PARD3: variants seen among roughly 807,000 people sequenced by gnomAD.
The protein encoded by PARD3 is par-3 family cell polarity regulator, also known as partitioning defective 3 homolog.
A neutral mutation model predicts 155.4 loss-of-function variants in PARD3; 75 were observed. The observed-to-expected ratio is 0.48, with a 90% CI of 0.40 to 0.58. The LOEUF is 0.58. PARD3 is among the 20% of genes least tolerant of loss of function. The pLI is 0.00. For synonymous variants in PARD3, 576 were observed against 610.5 expected, an observed-to-expected ratio of 0.94 and a Z score of 0.83; for missense variants, 1,642 against 1,721.7, an observed-to-expected ratio of 0.95 and a Z score of 0.82.
chr10:34,425,026 G>A (rs1458283645), intron 5 of PARD3, among the ~76,000 whole-genome samples: 1 of 151,988 alleles, frequency 6.6e-6, no homozygotes, highest in Non-Finnish European at 1.5e-5. Context: ...TGACATTGCT[G>A]TGAGCCATTT....
chr10:34,500,616 C>T (rs1248058912), intron 3 of PARD3, among the ~76,000 whole-genome samples: 1 of 152,136 alleles, frequency 6.6e-6, no homozygotes, highest in Admixed American at 6.6e-5. Context: ...TGGCTCATGC[C>T]TGTAATCCTA....
chr10:34,433,899 T>C (rs2076067897), intron 5 of PARD3, among the ~76,000 whole-genome samples: 1 of 152,192 alleles, frequency 6.6e-6, no homozygotes, highest in Non-Finnish European at 1.5e-5. Context: ...CATTGAGTCA[T>C]GCCTCCCTCG....
At chr10:34,182,348 G>T (rs913763642) in intron 22 of PARD3, among the ~76,000 whole-genome samples, 7 of 152,214 alleles carry the variant, frequency 4.6e-5, no homozygotes, top group African/African-American at 1.7e-4. Flanking sequence ...TAGTTAACTC[G>T]AAAGTAACAT....
chr10:34,663,369 G>A (rs2093373952), intron 2 of PARD3, among the ~76,000 whole-genome samples: 2 of 152,102 alleles, frequency 1.3e-5, no homozygotes, highest in African/African-American at 4.8e-5. Context: ...GGGAGGCTGA[G>A]GCAGGAGAAT....
intron 5 of PARD3, among the ~76,000 whole-genome samples, chr10:34,434,504 T>C (rs1160391771): frequency 1.7e-4 from 26 of 152,328 alleles, no homozygotes; most frequent in Admixed American, 1.7e-3. Flanking sequence ...TGCTGCAACT[T>C]CAAGCAGCTG....
intron 17 of PARD3, among the ~76,000 whole-genome samples, chr10:34,336,912 T>C (rs1044351403): frequency 3.3e-5 from 5 of 152,114 alleles, no homozygotes; most frequent in Admixed American, 6.6e-5. Context: ...TCTCTTCTAG[T>C]TCAAAAATCC....
chr10:34,576,601 C>T (rs2086906829), intron 2 of PARD3, among the ~76,000 whole-genome samples: 1 of 151,946 alleles, frequency 6.6e-6, no homozygotes, highest in African/African-American at 2.4e-5. Flanking sequence ...CCCCTCTGCC[C>T]ACCCCTAATT....
At chr10:34,294,069 T>C (rs1425007046) in intron 20 of PARD3, among the ~76,000 whole-genome samples, 2 of 119,770 alleles carry the variant, frequency 1.7e-5, no homozygotes, top group Non-Finnish European at 3.5e-5. Flanking sequence ...GATATTTCAC[T>C]ACACACCTTT....
intron 2 of PARD3, among the ~76,000 whole-genome samples, chr10:34,528,913 G>A (rs1479372608): frequency 1.3e-5 from 2 of 152,142 alleles, no homozygotes; most frequent in African/African-American, 4.8e-5. Context: ...TTATTCAAAT[G>A]CAGAATGGAG....
intron 19 of PARD3, among the ~76,000 whole-genome samples, chr10:34,325,049 G>A (rs181942464): frequency 1.2e-3 from 184 of 151,978 alleles, no homozygotes; most frequent in African/African-American, 3.9e-3. Context: ...TTGCTTTGTC[G>A]CCCAAGCTGG....
intron 22 of PARD3, among the ~76,000 whole-genome samples, chr10:34,196,862 T>C (rs1950969731): frequency 6.6e-6 from 1 of 152,108 alleles, no homozygotes; most frequent in South Asian, 2.1e-4. Context: ...TGATTGCTAA[T>C]GTAGGTAAGA....
At chr10:34,397,330 C>G (rs2132151769) in intron 7 of PARD3, among the ~76,000 whole-genome samples, 1 of 152,316 alleles carries the variant, frequency 6.6e-6, no homozygotes, top group Middle Eastern at 3.4e-3. Context: ...ATTGGGGAAT[C>G]ACAAACTATT....
At chr10:34,667,708 C>G (rs78850249) in intron 2 of PARD3, among the ~76,000 whole-genome samples, 1 of 152,140 alleles carries the variant, frequency 6.6e-6, no homozygotes, top group Non-Finnish European at 1.5e-5. Context: ...CCAGTAAGAC[C>G]AGCCCCAAAA....
At chr10:34,236,245 C>G (rs546682860) in intron 22 of PARD3, among the ~76,000 whole-genome samples, 23 of 152,254 alleles carry the variant, frequency 1.5e-4, no homozygotes, top group African/African-American at 5.5e-4. Flanking sequence ...CCAGTGATAT[C>G]CATAAAAGAA....
At chr10:34,397,271 G>T (rs1241557313) in intron 7 of PARD3, among the ~76,000 whole-genome samples, 1 of 152,138 alleles carries the variant, frequency 6.6e-6, no homozygotes, top group East Asian at 1.9e-4. Context: ...CATCTGTGAG[G>T]AACCATGACT....
At chr10:34,659,316 G>GT (rs902791640) in intron 2 of PARD3, among the ~76,000 whole-genome samples, 1 of 152,076 alleles carries the variant, frequency 6.6e-6, no homozygotes, top group African/African-American at 2.4e-5. Flanking sequence ...AAACTTTTTA[G>GT]TTTTTTTAAT....
At chr10:34,568,428 T>C (rs2086129529) in intron 2 of PARD3, among the ~76,000 whole-genome samples, 1 of 152,154 alleles carries the variant, frequency 6.6e-6, no homozygotes, top group African/African-American at 2.4e-5. Flanking sequence ...TGAAAGTTTC[T>C]AGACAACAAG....
intron 22 of PARD3, among the ~76,000 whole-genome samples, chr10:34,216,511 C>A (rs1952009412): frequency 6.6e-6 from 1 of 152,200 alleles, no homozygotes. Context: ...TTGTATACAG[C>A]AATCTGACTG....
chr10:34,551,898 CAT>C (rs1252996730), intron 2 of PARD3, among the ~76,000 whole-genome samples: 1 of 152,198 alleles, frequency 6.6e-6, no homozygotes, highest in Non-Finnish European at 1.5e-5. Flanking sequence ...AAAAAAATCT[CAT>C]AGACTGGAGT....
Sources: gnomAD v4.1 joint callset for allele counts (sites outside exome capture counted in the v4.1 genomes callset) on GRCh38, gnomAD v4.1.1 for gene constraint, MANE v1.5 for transcripts, NCBI Gene and HGNC (gene_info 2026-07-23, HGNC 2026-07-21) for gene names.